The following TENM1 variants were observed in gnomAD, a reference collection of about 807,000 sequenced individuals.
The protein encoded by TENM1 is teneurin-1.
In TENM1, 35 loss-of-function variants were observed where a neutral mutation model predicts 174.8. That is an observed-to-expected ratio of 0.20 (90% CI 0.15 to 0.27). The LOEUF is 0.27. Among genes scored for constraint, TENM1 ranks in the 10% least tolerant of loss-of-function variants. The pLI, the probability that TENM1 is intolerant of heterozygous loss-of-function variation, is 1.00. For synonymous variants in TENM1, 781 were observed against 798.7 expected (o/e 0.98, Z 0.37); for missense variants, 1,633 against 2,130.1 (o/e 0.77, Z 4.59).
chrX:124,566,602 T>G (rs1007147694), intron 11 of TENM1, among the ~76,000 whole-genome samples: 9 of 112,402 alleles, frequency 8.0e-5, no homozygotes, highest in African/African-American at 2.9e-4. Flanking sequence ...GGAAGCCAGG[T>G]TGTCTCTTTC....
At chrX:124,417,917 T>G in intron 25 of TENM1, among the ~76,000 whole-genome samples, 1 of 111,939 alleles carries the variant, frequency 8.9e-6, no homozygotes, top group East Asian at 2.8e-4. Flanking sequence ...TAAGTCCTGA[T>G]AGCTCTACTG....
chrX:125,200,660 A>T, the TENM1 span, among the ~76,000 whole-genome samples: 344 of 107,388 alleles, frequency 3.2e-3, 1 homozygote, highest in African/African-American at 0.011. Context: ...TGTGTGAGAG[A>T]GAGAGAGAGA....
chrX:125,051,152 CCT>C, the TENM1 span, among the ~76,000 whole-genome samples: 1 of 111,071 alleles, frequency 9.0e-6, no homozygotes, highest in Non-Finnish European at 1.9e-5. Context: ...ATGTGAAGGA[CCT>C]CTTCAAGGAG....
In TENM1 at chrX:124,481,150, A is replaced by G. The variant is rs1223295089; in HGVS notation, c.3949+582T>C. On this transcript the variant is annotated intron_variant, in intron 22 of 31. Transcript: ENST00000422452. ...TGGAATTTGTTATTCTAGAGGCAAT[A>G]TCAACTGAAAATATAAGTAATTTCC... 3.6e-5 allele frequency among the ~76,000 whole-genome samples: 4 copies of G among 112,525 alleles called. No homozygotes were observed. In the Admixed American group the frequency reaches 3.8e-4, roughly 11 times the overall value.
intron 5 of TENM1, among the ~76,000 whole-genome samples, chrX:124,703,482 C>T (rs2148491563): frequency 9.0e-6 from 1 of 110,974 alleles, no homozygotes; most frequent in East Asian, 2.8e-4. Context: ...TGGTATAAAC[C>T]TAAATAAAGA....
intron 1 of TENM1, among the ~76,000 whole-genome samples, chrX:124,946,330 T>C (rs1243640184): frequency 7.1e-5 from 8 of 111,916 alleles, no homozygotes; most frequent in Non-Finnish European, 1.5e-4. Flanking sequence ...CAGCTGGATA[T>C]ATGAATCCGA....
the TENM1 span, among the ~76,000 whole-genome samples, chrX:125,030,889 G>C: frequency 9.0e-6 from 1 of 111,341 alleles, no homozygotes; most frequent in East Asian, 2.8e-4. Flanking sequence ...ATATGTTTTG[G>C]ATATATATTC....
intron 11 of TENM1, among the ~76,000 whole-genome samples, chrX:124,587,220 C>A (rs759128165): frequency 9.1e-6 from 1 of 110,030 alleles, no homozygotes; most frequent in East Asian, 2.8e-4. Flanking sequence ...AAAAAGAGCC[C>A]GCATTGCCAA....
chrX:124,740,437 T>TTATAA (rs1569421203), intron 3 of TENM1, among the ~76,000 whole-genome samples: 1 of 99,889 alleles, frequency 1.0e-5, no homozygotes, highest in African/African-American at 4.4e-5. Context: ...CATAGTATTA[T>TTATAA]TATTTCTGTT....
chrX:125,050,760 T>C, the TENM1 span, among the ~76,000 whole-genome samples: 2 of 111,782 alleles, frequency 1.8e-5, no homozygotes, highest in Non-Finnish European at 3.8e-5. Flanking sequence ...AGGGTTGAAC[T>C]AGTTTACAGT....
intron 3 of TENM1, among the ~76,000 whole-genome samples, chrX:124,750,197 T>C (rs946065436): frequency 9.0e-5 from 10 of 111,477 alleles, no homozygotes; most frequent in Non-Finnish European, 1.9e-4. Flanking sequence ...TAGACCAAGA[T>C]GGGGAGAGGT....
intron 3 of TENM1, among the ~76,000 whole-genome samples, chrX:124,864,605 A>T (rs1364505872): frequency 9.0e-6 from 1 of 111,541 alleles, no homozygotes; most frequent in Non-Finnish European, 1.9e-5. Flanking sequence ...TGACTACAGG[A>T]TCTAGAAAAT....
intron 25 of TENM1, among the ~76,000 whole-genome samples, chrX:124,407,905 T>C (rs1044295452): frequency 4.5e-5 from 5 of 112,186 alleles, no homozygotes; most frequent in African/African-American, 1.6e-4. Context: ...AGTGCTATTA[T>C]GCAGCTAAGG....
intron 2 of TENM1, 149 bp downstream of exon 5, chrX:124,895,832 G>T: frequency 1.7e-6 from 1 of 603,469 alleles, no homozygotes; most frequent in Non-Finnish European, 2.5e-6. Flanking sequence ...ATACTTAGGT[G>T]CATGCCTTGT....
intron 3 of TENM1, among the ~76,000 whole-genome samples, chrX:124,758,805 C>T (rs2054332540): frequency 8.9e-6 from 1 of 111,826 alleles, no homozygotes; most frequent in African/African-American, 3.2e-5. Context: ...CATAATACCA[C>T]TTATATGAGG....
At chrX:125,081,945 A>G in the TENM1 span, among the ~76,000 whole-genome samples, 1 of 110,844 alleles carries the variant, frequency 9.0e-6, no homozygotes, top group East Asian at 2.8e-4. Flanking sequence ...CAATGTGTAG[A>G]TATGGAAATA....
the TENM1 span, among the ~76,000 whole-genome samples, chrX:125,114,074 G>A: frequency 1.8e-5 from 2 of 111,815 alleles, no homozygotes; most frequent in South Asian, 3.7e-4. Flanking sequence ...TCAGACCACA[G>A]TGCAATCAAA....
intron 3 of TENM1, among the ~76,000 whole-genome samples, chrX:124,796,587 C>T (rs190827180): frequency 3.9e-4 from 43 of 111,621 alleles, no homozygotes; most frequent in African/African-American, 1.4e-3. Context: ...ACCTTGAGTA[C>T]GACTATCTTG....
the TENM1 span, among the ~76,000 whole-genome samples, chrX:125,029,980 G>A: frequency 2.7e-5 from 3 of 112,193 alleles, no homozygotes; most frequent in Non-Finnish European, 5.6e-5. Flanking sequence ...AAAGAGATTT[G>A]CCTGCAAATT....
Sources: gnomAD v4.1 joint callset for allele counts (sites outside exome capture counted in the v4.1 genomes callset) on GRCh38, gnomAD v4.1.1 for gene constraint, MANE v1.5 for transcripts, NCBI Gene and HGNC (gene_info 2026-07-23, HGNC 2026-07-21) for gene names.